Variants in DEPDC5 observed in about 807,000 individuals in gnomAD.
DEPDC5 encodes GATOR1 complex protein DEPDC5.
A neutral mutation model predicts 217.3 loss-of-function variants in DEPDC5; 73 were observed. The ratio of observed to expected loss-of-function variants is 0.34; its 90% CI spans 0.28 to 0.41. The LOEUF (loss-of-function observed/expected upper bound fraction) is 0.41. Ranked by LOEUF, DEPDC5 falls within the 10% of genes least tolerant of loss-of-function variation. The probability of loss-of-function intolerance (pLI) is 1.00; values close to 1 mark genes in which losing one functional copy is unlikely to be tolerated. For missense variants in DEPDC5, 1,675 were observed against 2,070.1 expected (o/e 0.81, Z 3.70); for synonymous variants, 733 against 756.7 (o/e 0.97, Z 0.51).
intron 2 of DEPDC5, among the ~76,000 whole-genome samples, chr22:31,756,079 C>T (rs1264096079): frequency 7.3e-6 from 1 of 136,898 alleles, no homozygotes; most frequent in Non-Finnish European, 1.5e-5. Context: ...GAGAGGGTTT[C>T]ACCATGTTTC....
intron 2 of DEPDC5, among the ~76,000 whole-genome samples, chr22:31,758,220 A>T (rs776538131): frequency 1.1e-4 from 17 of 152,170 alleles, no homozygotes; most frequent in Admixed American, 3.9e-4. Flanking sequence ...TATATGCCAG[A>T]TACACAATAT....
At chr22:31,763,325 A>G (rs565550586) in intron 4 of DEPDC5, among the ~76,000 whole-genome samples, 1 of 151,896 alleles carries the variant, frequency 6.6e-6, no homozygotes, top group Non-Finnish European at 1.5e-5. Context: ...GGGTTTCACC[A>G]TGTTGGCCAG....
At chr22:31,772,999 G>A (rs2148244079) in intron 7 of DEPDC5, among the ~76,000 whole-genome samples, 1 of 152,076 alleles carries the variant, frequency 6.6e-6, no homozygotes, top group South Asian at 2.1e-4. Flanking sequence ...CCAGGCTGGT[G>A]TCGAACTCCT....
chr22:31,869,755 C>T (rs1323549069), intron 33 of DEPDC5, among the ~76,000 whole-genome samples: 1 of 151,916 alleles, frequency 6.6e-6, no homozygotes, highest in Non-Finnish European at 1.5e-5. Context: ...GTGCAGGACC[C>T]GTGATGTCCT....
At chr22:31,767,617 G>A (rs890232743) in intron 6 of DEPDC5, among the ~76,000 whole-genome samples, 2 of 151,392 alleles carry the variant, frequency 1.3e-5, no homozygotes, top group Non-Finnish European at 2.9e-5. Context: ...TTTTAGTAGA[G>A]GTGGGGGTTT....
intron 25 of DEPDC5, among the ~76,000 whole-genome samples, chr22:31,834,425 G>C (rs1032886483): frequency 1.3e-5 from 2 of 152,000 alleles, no homozygotes; most frequent in African/African-American, 4.8e-5. Flanking sequence ...CTAAATATCT[G>C]TAATAATAAA....
At chr22:31,803,414 G>T (rs62238906) in intron 15 of DEPDC5, among the ~76,000 whole-genome samples, 1 of 151,766 alleles carries the variant, frequency 6.6e-6, no homozygotes. Context: ...GAGCTTCTCC[G>T]TGTTAGCCAG....
At chr22:31,809,324 T>G (rs1273217755) in intron 18 of DEPDC5, among the ~76,000 whole-genome samples, 1 of 152,210 alleles carries the variant, frequency 6.6e-6, no homozygotes, top group Non-Finnish European at 1.5e-5. Context: ...ATTTTGGCTC[T>G]GCCACCTGCT....
Position 31,768,972 on chromosome 22 carries a change from G to C in DEPDC5, c.413+109G>C, listed in dbSNP as rs547481457. The C allele has an allele frequency of 1.9e-5, 28 of 1,436,902 alleles. No homozygotes were observed. The African/African-American group carries it at 3.9e-4, about 20-fold the overall frequency. The allele number at this position is 1,436,902 out of a possible 1,614,324, so 89.0% of individuals were successfully genotyped here. The stretch of plus-strand genomic sequence containing the variant: ...AAATGTGTAAAAGTATAAAATGTTA[G>C]ATTGTTGGCTGGCCACAGTGGCTCA... On this transcript the variant is annotated intron_variant, in intron 7 of 42. Transcript: ENST00000651528.
chr22:31,755,246 G>T (rs559283816), intron 2 of DEPDC5: 1 of 473,644 alleles, frequency 2.1e-6, no homozygotes, highest in South Asian at 2.9e-5. Flanking sequence ...CAAATCTTCC[G>T]TGTATGTTCC....
intron 7 of DEPDC5, among the ~76,000 whole-genome samples, chr22:31,776,993 C>T (rs1426007266): frequency 2.7e-5 from 4 of 150,452 alleles, no homozygotes; most frequent in South Asian, 2.1e-4. Flanking sequence ...GACAGAGTCT[C>T]GCTCTGTTGC....
At chr22:31,896,023 C>T (rs2093546295) in intron 39 of DEPDC5, among the ~76,000 whole-genome samples, 1 of 151,214 alleles carries the variant, frequency 6.6e-6, no homozygotes, top group African/African-American at 2.4e-5. Flanking sequence ...TAAGCATATC[C>T]CAAAACAGCA....
chr22:31,856,153 G>GCACACACACACACACA (rs771652884), intron 31 of DEPDC5, among the ~76,000 whole-genome samples: 24 of 108,264 alleles, frequency 2.2e-4, no homozygotes, highest in African/African-American at 7.8e-4. Context: ...TTGGGCCAAC[G>GCACACACACACACACA]CGCACACACA....
intron 1 of DEPDC5, among the ~76,000 whole-genome samples, 167 bp from the exon 2 acceptor site, chr22:31,754,695 A>G (rs973572914): frequency 5.9e-5 from 9 of 152,084 alleles, no homozygotes; most frequent in East Asian, 3.9e-4. Flanking sequence ...CTGTGGTTCT[A>G]TTTGTTCTCC....
rs200842555 is a variant in DEPDC5 at position 31,761,410 on chromosome 22, A to G, written c.193+708A>G. Among the ~76,000 whole-genome samples, 5 of 151,974 alleles carry G rather than the reference A, an allele frequency of 3.3e-5. No homozygotes were observed. The East Asian group carries it at 9.7e-4, about 29-fold the overall frequency. ...TGGTTTTCTGTTTGTGAGTTAGTTCACTTAGGATAATGGTGGCCTCCAACT... is the reference window on the plus strand; with the variant it reads ...TGGTTTTCTGTTTGTGAGTTAGTTCGCTTAGGATAATGGTGGCCTCCAACT... On this transcript the variant is annotated intron_variant, in intron 4 of 42. Coordinates refer to ENST00000651528, the MANE Select transcript of DEPDC5 (RefSeq NM_001242896.3).
intron 15 of DEPDC5, among the ~76,000 whole-genome samples, chr22:31,803,641 G>C (rs1365657146): frequency 6.6e-6 from 1 of 152,010 alleles, no homozygotes; most frequent in Non-Finnish European, 1.5e-5. Context: ...ATGGAGTTGG[G>C]ACGCTGAGGC....
At chr22:31,901,629 T>C in intron 40 of DEPDC5, 113 bp from the exon 41 acceptor site, 1 of 880,810 alleles carries the variant, frequency 1.1e-6, no homozygotes, top group Non-Finnish European at 1.8e-6. Flanking sequence ...GAAGCAGAGG[T>C]TAGGCTCAAG....
chr22:31,757,769 T>A, intron 2 of DEPDC5, among the ~76,000 whole-genome samples: 1 of 152,214 alleles, frequency 6.6e-6, no homozygotes, highest in African/African-American at 2.4e-5. Context: ...TTATTTTATT[T>A]ATTTATTTTT....
intron 34 of DEPDC5, among the ~76,000 whole-genome samples, chr22:31,871,600 C>T (rs113213587): frequency 2.6e-5 from 4 of 152,328 alleles, no homozygotes; most frequent in African/African-American, 9.6e-5. Context: ...GCCTACCTGG[C>T]TTTTTGGCTG....
Sources: gnomAD v4.1 joint callset for allele counts (sites outside exome capture counted in the v4.1 genomes callset) on GRCh38, gnomAD v4.1.1 for gene constraint, MANE v1.5 for transcripts, NCBI Gene and HGNC (gene_info 2026-07-23, HGNC 2026-07-21) for gene names.